The following RPS6KC1 variants were observed in gnomAD, a reference collection of about 807,000 sequenced individuals.
RPS6KC1 encodes inactive ribosomal protein S6 kinase delta-1.
RPS6KC1 carries 54 observed loss-of-function variants against 103.8 expected under a neutral mutation model. The observed-to-expected ratio is 0.52, with a 90% CI of 0.42 to 0.65. The LOEUF (loss-of-function observed/expected upper bound fraction) is 0.65. Among genes scored for constraint, RPS6KC1 ranks in the 30% least tolerant of loss-of-function variants. The probability of loss-of-function intolerance (pLI) is 0.00; values close to 1 mark genes in which losing one functional copy is unlikely to be tolerated. For synonymous variants in RPS6KC1, 439 were observed against 438.7 expected (o/e 1.00, Z -0.01); for missense variants, 1,151 against 1,253.8 (o/e 0.92, Z 1.24).
the RPS6KC1 span, among the ~76,000 whole-genome samples, chr1:213,307,696 C>A: frequency 4.6e-5 from 7 of 152,192 alleles, no homozygotes; most frequent in Non-Finnish European, 8.8e-5. Flanking sequence ...ATACAAAGAT[C>A]AGCGGGGTCT....
At chr1:213,513,278 C>A in the RPS6KC1 span, among the ~76,000 whole-genome samples, 1 of 152,134 alleles carries the variant, frequency 6.6e-6, no homozygotes, top group Non-Finnish European at 1.5e-5. Flanking sequence ...GGAACTCAGC[C>A]CTGCTAACAC....
At chr1:213,627,496 G>T in the RPS6KC1 span, among the ~76,000 whole-genome samples, 5 of 152,040 alleles carry the variant, frequency 3.3e-5, no homozygotes, top group African/African-American at 1.2e-4. Context: ...TCCCTGTCTT[G>T]TGCCAGTTTT....
the RPS6KC1 span, among the ~76,000 whole-genome samples, chr1:213,333,793 C>T: frequency 3.3e-5 from 5 of 152,068 alleles, no homozygotes; most frequent in East Asian, 1.9e-4. Context: ...TATTCAGGAG[C>T]GATTCAGCCT....
the RPS6KC1 span, among the ~76,000 whole-genome samples, chr1:213,549,474 A>G: frequency 6.6e-6 from 1 of 152,134 alleles, no homozygotes; most frequent in Non-Finnish European, 1.5e-5. Context: ...GTCAGTCATT[A>G]TCAGAAGGAG....
chr1:213,171,796 G>A (rs1012086707), intron 7 of RPS6KC1, among the ~76,000 whole-genome samples: 18 of 152,134 alleles, frequency 1.2e-4, no homozygotes, highest in African/African-American at 3.9e-4. Context: ...TTAGTGTCAG[G>A]CTTGAAATGT....
chr1:213,496,877 G>C, the RPS6KC1 span, among the ~76,000 whole-genome samples: 1 of 152,162 alleles, frequency 6.6e-6, no homozygotes, highest in East Asian at 1.9e-4. Context: ...TCAGTAACTT[G>C]GAAATTTGCC....
At chr1:213,313,049 A>G in the RPS6KC1 span, among the ~76,000 whole-genome samples, 1 of 152,134 alleles carries the variant, frequency 6.6e-6, no homozygotes, top group East Asian at 1.9e-4. Context: ...GAGTCTTCCT[A>G]TTGAAACCGG....
chr1:213,571,697 G>T, the RPS6KC1 span, among the ~76,000 whole-genome samples: 2 of 152,176 alleles, frequency 1.3e-5, no homozygotes, highest in African/African-American at 4.8e-5. Context: ...GCATCTGGGC[G>T]TCACACCACA....
chr1:213,471,088 TTGTG>T, the RPS6KC1 span, among the ~76,000 whole-genome samples: 1 of 151,800 alleles, frequency 6.6e-6, no homozygotes, highest in East Asian at 1.9e-4. Flanking sequence ...ATGGTGATTT[TTGTG>T]TGTGTGTATA....
At chr1:213,337,744 G>A in the RPS6KC1 span, among the ~76,000 whole-genome samples, 1 of 152,150 alleles carries the variant, frequency 6.6e-6, no homozygotes, top group African/African-American at 2.4e-5. Context: ...TTTATTGTCT[G>A]CTGTGTACCA....
chr1:213,854,544 CTTTCTTTCTT>C, the RPS6KC1 span, among the ~76,000 whole-genome samples: 149 of 106,624 alleles, frequency 1.4e-3, 1 homozygote, highest in African/African-American at 5.7e-3. Context: ...TTCTTTCTTT[CTTTCTTTCTT>C]TCTTTCTTTC....
chr1:213,846,014 C>T, the RPS6KC1 span, among the ~76,000 whole-genome samples: 4 of 151,702 alleles, frequency 2.6e-5, no homozygotes, highest in East Asian at 1.9e-4. Context: ...AAGGGCAGGC[C>T]GGGCGGGGTG....
At chr1:213,755,258 G>C in the RPS6KC1 span, among the ~76,000 whole-genome samples, 18 of 152,168 alleles carry the variant, frequency 1.2e-4, no homozygotes, top group Admixed American at 4.6e-4. Context: ...AATGGCAAAA[G>C]CTGCGAAAAC....
At chr1:213,233,124 GA>G (rs2148878764) in intron 10 of RPS6KC1, among the ~76,000 whole-genome samples, 1 of 152,204 alleles carries the variant, frequency 6.6e-6, no homozygotes, top group Non-Finnish European at 1.5e-5. Context: ...GAGGTCTCAT[GA>G]TAATGAATGC....
chr1:213,052,785 G>A (rs1157279663), intron 1 of RPS6KC1, among the ~76,000 whole-genome samples: 1 of 151,938 alleles, frequency 6.6e-6, no homozygotes, highest in Non-Finnish European at 1.5e-5. Context: ...CAGTTGATCC[G>A]CCTGCCTCGG....
intron 3 of RPS6KC1, among the ~76,000 whole-genome samples, chr1:213,087,802 G>A (rs1419286383): frequency 1.3e-5 from 2 of 152,134 alleles, no homozygotes; most frequent in South Asian, 2.1e-4. Flanking sequence ...TGTGTACCCG[G>A]AATTTGTCTG....
chr1:213,382,875 T>A, the RPS6KC1 span, among the ~76,000 whole-genome samples: 1 of 152,240 alleles, frequency 6.6e-6, no homozygotes, highest in Non-Finnish European at 1.5e-5. Context: ...TGGTAGATAA[T>A]GATGGTCTGG....
chr1:213,313,959 G>GA, the RPS6KC1 span, among the ~76,000 whole-genome samples: 13 of 151,866 alleles, frequency 8.6e-5, no homozygotes, highest in Admixed American at 7.2e-4. Flanking sequence ...TTTAAAAAAA[G>GA]AAAAAAAAGA....
the RPS6KC1 span, among the ~76,000 whole-genome samples, chr1:213,349,359 C>A: frequency 1.3e-5 from 2 of 152,112 alleles, no homozygotes; most frequent in African/African-American, 2.4e-5. Context: ...ACGTGGGGGA[C>A]GGTAATGCAT....
Sources: gnomAD v4.1 joint callset for allele counts (sites outside exome capture counted in the v4.1 genomes callset) on GRCh38, gnomAD v4.1.1 for gene constraint, MANE v1.5 for transcripts, NCBI Gene and HGNC (gene_info 2026-07-23, HGNC 2026-07-21) for gene names.